Variants in HOOK1 observed in about 807,000 individuals in gnomAD.
HOOK1 encodes hook microtubule tethering protein 1, also known as protein Hook homolog 1.
Under a neutral mutation model 112.8 loss-of-function variants are expected in HOOK1, and 60 were observed. The ratio of observed to expected loss-of-function variants is 0.53; its 90% confidence interval spans 0.43 to 0.66. HOOK1 has a LOEUF of 0.66. Ranked by LOEUF, HOOK1 falls within the 30% of genes least tolerant of loss-of-function variation. HOOK1 has a pLI of 0.00. For synonymous variants in HOOK1, 294 were observed against 283.8 expected, an observed-to-expected ratio of 1.04 and a Z score of -0.36; for missense variants, 770 against 856.0, an observed-to-expected ratio of 0.90 and a Z score of 1.25.
chr1:59,830,583 GAA>G (rs2098393173), intron 3 of HOOK1, among the ~76,000 whole-genome samples: 2 of 151,586 alleles, frequency 1.3e-5, no homozygotes, highest in Admixed American at 6.6e-5. Context: ...TCTTTTTATT[GAA>G]AGTGTTTCAT....
At chr1:59,848,269 T>C (rs1574203708) in intron 10 of HOOK1, 46 bp from the exon 11 acceptor site, 1 of 1,335,056 alleles carries the variant, frequency 7.5e-7, no homozygotes, top group Admixed American at 1.8e-5. Context: ...AAATTATGAG[T>C]ATATACTAGT....
intron 12 of HOOK1, among the ~76,000 whole-genome samples, chr1:59,854,502 T>C (rs1282136398): frequency 6.8e-6 from 1 of 147,444 alleles, no homozygotes; most frequent in African/African-American, 2.5e-5. Flanking sequence ...TTCTCTGTTG[T>C]TTTTTTTTTA....
intron 1 of HOOK1, 141 bp downstream of exon 1, chr1:59,815,321 G>A (rs540233263): frequency 3.9e-6 from 3 of 761,444 alleles, no homozygotes; most frequent in East Asian, 2.9e-5. Flanking sequence ...GCCCTTGACC[G>A]AGAGAATGCC....
chr1:59,871,152 T>G (rs1644049972), intron 21 of HOOK1, 42 bp downstream of exon 21: 1 of 1,400,766 alleles, frequency 7.1e-7, no homozygotes, highest in Non-Finnish European at 1.0e-6. Context: ...GAACGGTGTT[T>G]AAGCAAACTT....
Position 59,848,446 on chromosome 1 carries a change from C to T in HOOK1, c.1061C>T (p.Thr354Ile). ...ACCAACATGATGTATATGCATAATA[C>T]AGTCAGCTTAGAAGAAGAATTAAAA... ...QETNMMYMHNTVSLEEELKKA... is the reference protein window; with the variant it reads ...QETNMMYMHNIVSLEEELKKA... The change falls in exon 11 of 22, where the codon ACA becomes ATA. Residue 354 changes from threonine (T) to isoleucine (I), a missense_variant. Physicochemically the swap from Thr to Ile is moderately conservative, Grantham distance 89 (BLOSUM62 -1). Transcript: ENST00000371208. The T allele has an allele frequency of 6.2e-7, 1 of 1,610,434 alleles. No individual in the cohort carries two copies. Among genetic ancestry groups the T allele is most frequent in the Non-Finnish European group, 8.5e-7 (1 of 1,177,424 alleles).
In HOOK1 at chr1:59,872,791, T is replaced by C. The variant is rs77197543; in HGVS notation, c.2017-4T>C. 3.6e-6 allele frequency: 5 copies of C among 1,392,088 alleles called. No homozygotes were observed. In the South Asian group the frequency reaches 5.2e-5, roughly 15 times the overall value. 86.2% of individuals were successfully genotyped at this position (1,392,088 alleles called of 1,614,324 possible). A position where few individuals can be genotyped will look rare whatever the true frequency, so the allele number is the denominator to read the frequency against. The stretch of plus-strand genomic sequence containing the variant: ...AATAAAAAATATATGTTTTTTTTTT[T>C]CAGAGTCTAGCATTCCAGAAACTGG... On this transcript the variant is annotated splice_polypyrimidine_tract_variant and splice_region_variant and intron_variant, in intron 21 of 21. Coordinates refer to ENST00000371208, the MANE Select transcript of HOOK1 (RefSeq NM_015888.6).
In HOOK1 at chr1:59,849,088, G is replaced by C; in HGVS notation, c.1147G>C (p.Val383Leu). ...TYKRQVQDLHVKLSSESKRAD... is the reference protein window; with the variant it reads ...TYKRQVQDLHLKLSSESKRAD... ...CTGACATTAGGTTCAAGATCTTCAT[G>C]TTAAACTTTCCTCCGAATCCAAGAG... Residue 383 changes from valine to leucine, a missense_variant, in exon 12 of 22, where the codon GTT becomes CTT. By Grantham distance (32) the Val-to-Leu change is conservative (BLOSUM62 1). This residue lies in a region of HOOK1 where 655 missense variants were observed against 725.9 expected (regional missense o/e 0.90). Coordinates refer to ENST00000371208, the MANE Select transcript of HOOK1 (RefSeq NM_015888.6). 1 of 1,606,194 alleles carries C rather than the reference G, an allele frequency of 6.2e-7. No individual in the cohort carries two copies.
At chr1:59,826,073 A>G (rs2098389687) in intron 2 of HOOK1, among the ~76,000 whole-genome samples, 1 of 152,216 alleles carries the variant, frequency 6.6e-6, no homozygotes, top group African/African-American at 2.4e-5. Flanking sequence ...TATTGTTTAT[A>G]GTAACTAGTA....
Position 59,871,054 on chromosome 1 carries a change from G to A in HOOK1, c.1960G>A (p.Val654Ile), listed in dbSNP as rs372753636. Residue 654 changes from valine (V) to isoleucine (I), a missense_variant, in exon 21 of 22, where the codon GTA becomes ATA. Coordinates refer to ENST00000371208, the MANE Select transcript of HOOK1 (RefSeq NM_015888.6). ...ATCTTTTTTCCAGAGTGAATGCAAAGTAGCAAAATTCCGTGATTATGAAGA... is the reference window on the plus strand; with the variant it reads ...ATCTTTTTTCCAGAGTGAATGCAAAATAGCAAAATTCCGTGATTATGAAGA... Reference protein sequence around the residue: ...RIEILESECKVAKFRDYEEKL... With the variant: ...RIEILESECKIAKFRDYEEKL... 6.2e-7 allele frequency: 1 copy of A among 1,608,860 alleles called. No individual in the cohort carries two copies. Among genetic ancestry groups the A allele is most frequent in the Non-Finnish European group, 8.5e-7 (1 of 1,175,692 alleles).
chr1:59,865,883 A>C lies in HOOK1; in HGVS notation c.1756A>C (p.Asn586His). ...PDINQNVQKI[N>H]ELEAALQKKD... ...ATTTTTACTAATAGTACAAAAGATC[A>C]ATGAACTTGAAGCTGCTCTTCAGAA... The change falls in exon 19 of 22, where the codon AAT becomes CAT. Residue 586 changes from asparagine to histidine, a missense_variant. Asn to His is a moderately conservative substitution (Grantham distance 68, BLOSUM62 1). Transcript: ENST00000371208. 1 of 1,562,280 alleles carries C rather than the reference A, an allele frequency of 6.4e-7. No homozygotes were observed.
intron 5 of HOOK1, 45 bp downstream of exon 5, chr1:59,833,582 T>C: frequency 6.9e-7 from 1 of 1,451,132 alleles, no homozygotes; most frequent in East Asian, 2.4e-5. Context: ...TTCTAGAAAC[T>C]TTCTACATTG....
intron 11 of HOOK1, 135 bp from the exon 12 acceptor site, chr1:59,848,938 T>G (rs1377772932): frequency 8.3e-6 from 4 of 481,028 alleles, no homozygotes; most frequent in Admixed American, 3.9e-5. Context: ...CCACAAGTAT[T>G]TAAAATTAGA....
At position 59,872,787 on chromosome 1, in the gene HOOK1, T is replaced by C; in HGVS notation, c.2017-8T>C. Reference sequence around the variant, plus strand: ...GTTAAATAAAAAATATATGTTTTTTTTTTTCAGAGTCTAGCATTCCAGAAA... The same window carrying C: ...GTTAAATAAAAAATATATGTTTTTTCTTTTCAGAGTCTAGCATTCCAGAAA... On this transcript the variant is annotated splice_polypyrimidine_tract_variant and splice_region_variant and intron_variant, in intron 21 of 21. Coordinates refer to ENST00000371208, the MANE Select transcript of HOOK1 (RefSeq NM_015888.6). 1 of 1,391,364 alleles carries C rather than the reference T, an allele frequency of 7.2e-7. No homozygotes were observed. Among genetic ancestry groups the C allele is most frequent in the Non-Finnish European group, 9.4e-7 (1 of 1,060,646 alleles). The allele number at this position is 1,391,364 out of a possible 1,614,324, so 86.2% of individuals were successfully genotyped here.
At position 59,815,163 on chromosome 1, in the gene HOOK1, G is replaced by T; in HGVS notation, c.46G>T (p.Asp16Tyr). 6.5e-7 allele frequency: 1 copy of T among 1,544,048 alleles called. No individual in the cohort carries two copies. The highest frequency in any genetic ancestry group is 8.7e-7 in the Non-Finnish European group (1 of 1,146,582). The stretch of plus-strand genomic sequence containing the variant: ...GCCGCAGCCTAAGCTGCCCCTGTGC[G>T]ACAGCCTCATGATCTGGGTGAGTGC... ...PPPQPKLPLC[D>Y]SLMIWLQTFN... Residue 16 changes from aspartate to tyrosine, a missense_variant, in exon 1 of 22, where the codon GAC becomes TAC. Coordinates refer to ENST00000371208, the MANE Select transcript of HOOK1 (RefSeq NM_015888.6).
intron 8 of HOOK1, among the ~76,000 whole-genome samples, chr1:59,843,147 C>G (rs560893457): frequency 2.0e-5 from 3 of 151,652 alleles, no homozygotes; most frequent in Non-Finnish European, 2.9e-5. Context: ...ATTTTAGAGA[C>G]TTGAAAACAT....
intron 16 of HOOK1, among the ~76,000 whole-genome samples, chr1:59,863,102 T>A (rs568814140): frequency 3.3e-4 from 50 of 152,168 alleles, no homozygotes; most frequent in Non-Finnish European, 6.6e-4. Context: ...CTTCAACAGC[T>A]ATACCAAAGT....
rs1214339002 is a variant in HOOK1 at position 59,874,984 on chromosome 1, TG to T, written c.*2020del. 1 of 152,590 alleles carries T rather than the reference TG, an allele frequency of 6.6e-6. No individual in the cohort carries two copies. The highest frequency in any genetic ancestry group is 6.5e-5 in the Admixed American group (1 of 15,270). 9.5% of individuals were successfully genotyped at this position (152,590 alleles called of 1,614,324 possible). On this transcript the variant is annotated 3_prime_UTR_variant, in exon 22 of 22. Coordinates refer to ENST00000371208, the MANE Select transcript of HOOK1 (RefSeq NM_015888.6). ...GTTGAGTTTCATTTTCATATATTCT[TG>T]TAGTGTCTGCTTGCCTGTGACTTCT...
chr1:59,872,780 G>A lies in HOOK1; in HGVS notation c.2017-15G>A. 12 of 1,106,694 alleles carry A rather than the reference G, an allele frequency of 1.1e-5. No individual in the cohort carries two copies. The highest frequency in any genetic ancestry group is 1.4e-5 in the Non-Finnish European group (12 of 835,946). The allele number at this position is 1,106,694 out of a possible 1,614,324, so 68.6% of individuals were successfully genotyped here. ...TAGTCATGTTAAATAAAAAATATAT[G>A]TTTTTTTTTTTCAGAGTCTAGCATT... On this transcript the variant is annotated splice_polypyrimidine_tract_variant and intron_variant, in intron 21 of 21. Coordinates refer to ENST00000371208, the MANE Select transcript of HOOK1 (RefSeq NM_015888.6).
chr1:59,862,672 C>T (rs1473858184), intron 15 of HOOK1, 112 bp from the exon 16 acceptor site: 16 of 641,352 alleles, frequency 2.5e-5, no homozygotes, highest in Non-Finnish European at 2.8e-6. Flanking sequence ...CCGCATTTGT[C>T]ATTGCTATAA....
Sources: gnomAD v4.1 joint callset for allele counts (sites outside exome capture counted in the v4.1 genomes callset) on GRCh38, gnomAD v4.1.1 for gene constraint, gnomAD v4.1.1 regional missense constraint, MANE v1.5 for transcripts, NCBI Gene and HGNC (gene_info 2026-07-23, HGNC 2026-07-21) for gene names.